ZFPM1: variants seen among roughly 807,000 people sequenced by gnomAD.
The protein encoded by ZFPM1 is zinc finger protein ZFPM1.
A neutral mutation model predicts 46.3 loss-of-function variants in ZFPM1; 28 were observed. That is an observed-to-expected ratio of 0.60 (90% confidence interval 0.45 to 0.83). ZFPM1 has a LOEUF of 0.83. Ranked by LOEUF, ZFPM1 falls within the 40% of genes least tolerant of loss-of-function variation. The pLI is 0.00. For synonymous variants in ZFPM1, 957 were observed against 675.9 expected, an observed-to-expected ratio of 1.42 and a Z score of -6.45; for missense variants, 1,878 against 1,432.4, an observed-to-expected ratio of 1.31 and a Z score of -5.02.
chr16:88,462,439 G>A (rs969465483), intron 1 of ZFPM1, among the ~76,000 whole-genome samples: 14 of 152,390 alleles, frequency 9.2e-5, no homozygotes, highest in Middle Eastern at 3.4e-3. Flanking sequence ...AAAATCGGGG[G>A]TCAGAGAGGG....
chr16:88,534,201 A>C lies in ZFPM1; in HGVS notation c.2243A>C (p.Glu748Ala), dbSNP rs1236026679. 1 of 977,640 alleles carries C rather than the reference A, an allele frequency of 1.0e-6. No homozygotes were observed. The allele number at this position is 977,640 out of a possible 1,614,324, so 60.6% of individuals were successfully genotyped here. A position where few individuals can be genotyped will look rare whatever the true frequency, so the allele number is the denominator to read the frequency against. The change falls in exon 10 of 10, where the codon GAG becomes GCG. Residue 748 changes from glutamate (E) to alanine (A), a missense_variant. Glu to Ala is a moderately radical substitution (Grantham distance 107, BLOSUM62 -1). Transcript: ENST00000319555. ...VRTRRRRKLYELHAAGAPPPP... is the reference protein window; with the variant it reads ...VRTRRRRKLYALHAAGAPPPP... ...ACGCGCAGACGCCGCAAGCTCTACG[A>C]GCTGCACGCGGCCGGCGCCCCGCCC...
chr16:88,460,779 C>T (rs1465361911), intron 1 of ZFPM1, among the ~76,000 whole-genome samples: 2 of 152,216 alleles, frequency 1.3e-5, no homozygotes, highest in Non-Finnish European at 2.9e-5. Flanking sequence ...GACCCCTGGT[C>T]CCGCGTCAGG....
At chr16:88,517,476 G>GTGGATGGA (rs142475772) in intron 4 of ZFPM1, among the ~76,000 whole-genome samples, 5,499 of 130,756 alleles carry the variant, frequency 0.042, 153 homozygotes, top group Admixed American at 0.062. Context: ...GGATGGCTGG[G>GTGGATGGA]TGGATGGATG....
At position 88,528,155 on chromosome 16, in the gene ZFPM1, C is replaced by T. The variant is rs141601978; in HGVS notation, c.629C>T (p.Thr210Met). The T allele has an allele frequency of 8.3e-5, 134 of 1,608,030 alleles. 1 individual carries two copies. In the African/African-American group the frequency reaches 1.1e-3, roughly 13 times the overall value. Residue 210 changes from threonine to methionine, a missense_variant, in exon 6 of 10, where the codon ACG becomes ATG. Transcript: ENST00000319555. ...GTGAAGAAGGAGCCAGCAGAGCCCA[C>T]GTGCCCGGCCCCTGCACACGACCTC... ...HPVKKEPAEP[T>M]CPAPAHDLQL... is the part of the protein sequence containing the mutation.
At position 88,533,374 on chromosome 16, in the gene ZFPM1, G is replaced by A; in HGVS notation, c.1416G>A (p.Ala472=). Residue 472 remains alanine (A), a synonymous_variant, in exon 10 of 10, where the codon GCG becomes GCA. Coordinates refer to ENST00000319555, the MANE Select transcript of ZFPM1 (RefSeq NM_153813.3). ...IKVEAVEEPE[A]APILGPGEPG... ...TGGAGGCGGTGGAGGAGCCGGAGGC[G>A]GCCCCCATCCTGGGCCCCGGAGAGC... The A allele has an allele frequency of 6.5e-7, 1 of 1,528,684 alleles. No homozygotes were observed. The highest frequency in any genetic ancestry group is 8.7e-7 in the Non-Finnish European group (1 of 1,143,484). The allele number at this position is 1,528,684 out of a possible 1,614,324, so 94.7% of individuals were successfully genotyped here.
At chr16:88,473,662 T>C (rs1028898314) in intron 1 of ZFPM1, among the ~76,000 whole-genome samples, 4 of 152,032 alleles carry the variant, frequency 2.6e-5, no homozygotes, top group Admixed American at 1.3e-4. Flanking sequence ...GCCCCATCTA[T>C]CAGCCCTTAT....
chr16:88,460,953 C>T (rs1031604134), intron 1 of ZFPM1, among the ~76,000 whole-genome samples: 1,046 of 11,368 alleles, frequency 0.092, 152 homozygotes, highest in African/African-American at 0.21. Context: ...GACCGAGGGG[C>T]GGGGCGGGAG....
intron 1 of ZFPM1, among the ~76,000 whole-genome samples, chr16:88,466,057 C>T (rs1908121667): frequency 6.6e-6 from 1 of 152,188 alleles, no homozygotes; most frequent in South Asian, 2.1e-4. Flanking sequence ...CCTGTGGAGC[C>T]GCCTGGGCTC....
chr16:88,485,776 A>T (rs1204799759), intron 1 of ZFPM1, among the ~76,000 whole-genome samples, 163 bp from the exon 2 acceptor site: 6 of 152,108 alleles, frequency 3.9e-5, no homozygotes, highest in Non-Finnish European at 8.8e-5. Flanking sequence ...GCCCCCAGCT[A>T]ACAGCCACCT....
At chr16:88,486,567 A>G (rs1378272012) in intron 2 of ZFPM1, among the ~76,000 whole-genome samples, 2 of 150,046 alleles carry the variant, frequency 1.3e-5, no homozygotes, top group African/African-American at 5.0e-5. Context: ...TGCTGGGTAC[A>G]CAGTGGGTGC....
chr16:88,458,024 G>C (rs565886665), intron 1 of ZFPM1, among the ~76,000 whole-genome samples: 24 of 152,308 alleles, frequency 1.6e-4, no homozygotes, highest in African/African-American at 5.8e-4. Context: ...CCCTCTCTGT[G>C]CCAGGCTGTG....
intron 1 of ZFPM1, among the ~76,000 whole-genome samples, chr16:88,462,613 C>G (rs752718805): frequency 1.6e-4 from 24 of 152,330 alleles, no homozygotes; most frequent in Non-Finnish European, 3.4e-4. Flanking sequence ...AGGGCAGCCA[C>G]CGCGGGCTTC....
intron 3 of ZFPM1, 55 bp from the exon 4 acceptor site, chr16:88,514,331 TG>T (rs1911149197): frequency 1.3e-6 from 2 of 1,544,908 alleles, no homozygotes; most frequent in Admixed American, 3.9e-5. Flanking sequence ...TAGCGGGAGG[TG>T]GGCTGGACAG....
Position 88,534,445 on chromosome 16 carries a change from C to G in ZFPM1, c.2487C>G (p.Leu829=), listed in dbSNP as rs776050410. ...CCTGCCGCGTGAGCTTCCACAGCCTCGAGGCCTACCTGGCGCACAAGAAGT... is the reference window on the plus strand; with the variant it reads ...CCTGCCGCGTGAGCTTCCACAGCCTGGAGGCCTACCTGGCGCACAAGAAGT... ...CTACRVSFHS[L]EAYLAHKKYS... The change falls in exon 10 of 10, where the codon CTC becomes CTG. Residue 829 remains leucine (L), a synonymous_variant. Coordinates refer to ENST00000319555, the MANE Select transcript of ZFPM1 (RefSeq NM_153813.3). The G allele has an allele frequency of 3.3e-6, 5 of 1,497,480 alleles. No homozygotes were observed. Among genetic ancestry groups the G allele is most frequent in the Admixed American group, 4.2e-5 (2 of 47,516 alleles). 92.8% of individuals were successfully genotyped at this position (1,497,480 alleles called of 1,614,324 possible).
chr16:88,483,644 C>A (rs1417032658), intron 1 of ZFPM1, among the ~76,000 whole-genome samples: 1 of 152,260 alleles, frequency 6.6e-6, no homozygotes, highest in Non-Finnish European at 1.5e-5. Flanking sequence ...ATCTGTTGTT[C>A]TCTGACTGTC....
intron 4 of ZFPM1, among the ~76,000 whole-genome samples, chr16:88,518,755 GGA>G: frequency 6.7e-6 from 1 of 148,208 alleles, no homozygotes; most frequent in Admixed American, 6.7e-5. Flanking sequence ...ATGGATGGAT[GGA>G]TGGATGGATG....
In ZFPM1 at chr16:88,510,553, C is replaced by T. The variant is rs771742114; in HGVS notation, c.269-3834C>T. On this transcript the variant is annotated intron_variant, in intron 3 of 9. Transcript: ENST00000319555. Reference sequence around the variant, plus strand: ...CACAGCGTGTTTGTTCTGGAAATGGCGTGTGCAGTCTTGTTTGCCTGAATA... The same window carrying T: ...CACAGCGTGTTTGTTCTGGAAATGGTGTGTGCAGTCTTGTTTGCCTGAATA... 6.6e-5 allele frequency among the ~76,000 whole-genome samples: 10 copies of T among 152,346 alleles called. No individual in the cohort carries two copies. The East Asian group carries it at 9.7e-4, about 15-fold the overall frequency.
chr16:88,529,374 C>T (rs1251596350), intron 6 of ZFPM1, among the ~76,000 whole-genome samples: 3 of 152,198 alleles, frequency 2.0e-5, no homozygotes, highest in East Asian at 1.9e-4. Flanking sequence ...GTGAGCAAGT[C>T]GGATGTGAAG....
chr16:88,497,839 C>G lies in ZFPM1; in HGVS notation c.268+8686C>G, dbSNP rs1249688375. ...AGGGCGTCGGGCTGGTTATCTGGGC[C>G]GAGCTCCATCTGACTAATCTCGCCG... is the stretch of plus-strand genomic sequence containing the variant. On this transcript the variant is annotated intron_variant, in intron 3 of 9. Transcript: ENST00000319555. The surrounding 1 kb of genome is among the most constrained non-coding windows in gnomAD (Gnocchi z 5.4). Among the ~76,000 whole-genome samples the G allele has an allele frequency of 6.6e-6, 1 of 152,174 alleles. No individual in the cohort carries two copies. The highest frequency in any genetic ancestry group is 1.5e-5 in the Non-Finnish European group (1 of 68,026).
Sources: allele counts gnomAD v4.1 joint callset (sites outside exome capture counted in the v4.1 genomes callset), GRCh38; gene constraint gnomAD v4.1.1; non-coding constraint Gnocchi (gnomAD v3.1); transcripts MANE v1.5; gene names NCBI Gene and HGNC (gene_info 2026-07-23, HGNC 2026-07-21).